Variants in CNTN4 observed in about 807,000 individuals in gnomAD.
CNTN4 encodes the protein contactin-4.
In CNTN4, 77 loss-of-function variants were observed where a neutral mutation model predicts 122.5. The ratio of observed to expected loss-of-function variants is 0.63; its 90% confidence interval spans 0.52 to 0.76. The LOEUF (loss-of-function observed/expected upper bound fraction) is 0.76. Ranked by LOEUF, CNTN4 falls within the 30% of genes least tolerant of loss-of-function variation. The pLI is 0.00. For missense variants in CNTN4, 1,256 were observed against 1,259.1 expected, an observed-to-expected ratio of 1.00 and a Z score of 0.04; for synonymous variants, 512 against 447.0, an observed-to-expected ratio of 1.15 and a Z score of -1.83.
chr3:2,236,184 T>C (rs1003425496), intron 2 of CNTN4, among the ~76,000 whole-genome samples: 5 of 152,164 alleles, frequency 3.3e-5, no homozygotes, highest in African/African-American at 1.2e-4. Flanking sequence ...TTGGGAGCAG[T>C]TGTTAAGTTT....
At chr3:2,219,706 G>T (rs2038986357) in intron 2 of CNTN4, among the ~76,000 whole-genome samples, 1 of 151,934 alleles carries the variant, frequency 6.6e-6, no homozygotes, top group African/African-American at 2.4e-5. Flanking sequence ...TGCCTGATTT[G>T]TTTATTTACT....
chr3:2,976,477 C>T (rs114357225), intron 13 of CNTN4, among the ~76,000 whole-genome samples: 1,763 of 152,290 alleles, frequency 0.012, 11 homozygotes, highest in Non-Finnish European at 0.016. Flanking sequence ...GGAACTTTGT[C>T]ACCAGGGTGT....
chr3:2,778,959 C>T (rs1385708894), intron 6 of CNTN4, among the ~76,000 whole-genome samples: 7 of 152,150 alleles, frequency 4.6e-5, no homozygotes, highest in Non-Finnish European at 1.5e-5. Flanking sequence ...CTATTAGTTG[C>T]TAAGAAACAA....
At chr3:3,041,260 G>C (rs1238628213) in intron 20 of CNTN4, 1 of 152,240 alleles carries the variant, frequency 6.6e-6, no homozygotes, top group Non-Finnish European at 1.5e-5. Context: ...TCTAGCTGCT[G>C]CCTCTCTGTC....
intron 3 of CNTN4, among the ~76,000 whole-genome samples, chr3:2,433,675 A>G (rs1239864519): frequency 6.6e-6 from 1 of 152,118 alleles, no homozygotes; most frequent in Non-Finnish European, 1.5e-5. Context: ...TTTTGGGGTC[A>G]TATCTAAGAA....
At chr3:2,742,779 C>T (rs1293293578) in intron 5 of CNTN4, among the ~76,000 whole-genome samples, 1 of 152,156 alleles carries the variant, frequency 6.6e-6, no homozygotes, top group African/African-American at 2.4e-5. Context: ...ATTACCAACA[C>T]TTAAAAGATT....
chr3:2,697,998 C>T (rs2086141961), intron 4 of CNTN4, among the ~76,000 whole-genome samples: 1 of 152,206 alleles, frequency 6.6e-6, no homozygotes, highest in Non-Finnish European at 1.5e-5. Flanking sequence ...TTGTAACATT[C>T]ATCCGGACTG....
chr3:2,131,308 G>T (rs2034440226), intron 2 of CNTN4, among the ~76,000 whole-genome samples: 1 of 152,084 alleles, frequency 6.6e-6, no homozygotes, highest in Non-Finnish European at 1.5e-5. Flanking sequence ...CGTATTCAGT[G>T]TCTCTGATTT....
At chr3:2,962,214 C>A (rs912075011) in intron 13 of CNTN4, among the ~76,000 whole-genome samples, 1 of 152,128 alleles carries the variant, frequency 6.6e-6, no homozygotes, top group East Asian at 1.9e-4. Flanking sequence ...GAATTATGCC[C>A]CTTAGGGAAT....
intron 2 of CNTN4, among the ~76,000 whole-genome samples, chr3:2,181,037 TTTTAG>T (rs2036990763): frequency 6.6e-6 from 1 of 152,154 alleles, no homozygotes; most frequent in African/African-American, 2.4e-5. Context: ...ACTTGTTTGT[TTTTAG>T]TTTATCAGTG....
intron 4 of CNTN4, among the ~76,000 whole-genome samples, chr3:2,694,526 TCGA>T (rs911406072): frequency 1.8e-4 from 28 of 152,154 alleles, no homozygotes; most frequent in African/African-American, 6.8e-4. Context: ...GGTCAGGAGT[TCGA>T]GATCAGCCTG....
rs78346780 is a variant in CNTN4, at chr3:2,865,424, A to G, written c.455-1328A>G. 4.8e-3 allele frequency among the ~76,000 whole-genome samples: 729 copies of G among 152,318 alleles called. 5 individuals carry two copies. The highest frequency in any genetic ancestry group is 0.017 in the African/African-American group (702 of 41,564). On this transcript the variant is annotated intron_variant, in intron 7 of 24. Transcript: ENST00000418658. ...TTACAGTAATTAGCGTTCTCTCTAC[A>G]AAACTGAAGTGACCTTTCTGCTATT...
intron 2 of CNTN4, among the ~76,000 whole-genome samples, chr3:2,194,332 G>C (rs2037736456): frequency 6.6e-6 from 1 of 151,938 alleles, no homozygotes. Flanking sequence ...GTGGTGGTGT[G>C]CTCCTGTAGT....
intron 2 of CNTN4, among the ~76,000 whole-genome samples, chr3:2,163,482 A>G (rs955330090): frequency 1.3e-5 from 2 of 152,194 alleles, no homozygotes; most frequent in Non-Finnish European, 2.9e-5. Flanking sequence ...CAAATGTAAG[A>G]AAAACCAAAA....
chr3:2,232,882 TG>T (rs1469258272), intron 2 of CNTN4, among the ~76,000 whole-genome samples: 1 of 152,118 alleles, frequency 6.6e-6, no homozygotes, highest in Non-Finnish European at 1.5e-5. Flanking sequence ...TTATTATGAG[TG>T]GGAAGTCATA....
chr3:2,766,671 C>T (rs1175708411), intron 6 of CNTN4, among the ~76,000 whole-genome samples: 3 of 151,954 alleles, frequency 2.0e-5, no homozygotes, highest in South Asian at 2.1e-4. Context: ...ATGGGTGCAC[C>T]AAAATCTGAC....
intron 3 of CNTN4, among the ~76,000 whole-genome samples, chr3:2,510,410 C>T (rs927845786): frequency 6.8e-5 from 10 of 147,550 alleles, no homozygotes; most frequent in African/African-American, 2.5e-4. Context: ...GTTTTTGCAG[C>T]AAGATGAGGA....
At chr3:2,729,865 G>A (rs1391042695) in intron 4 of CNTN4, among the ~76,000 whole-genome samples, 3 of 152,142 alleles carry the variant, frequency 2.0e-5, no homozygotes, top group African/African-American at 7.2e-5. Flanking sequence ...AGTGAGCAGA[G>A]ATCAAGCCAC....
chr3:2,151,803 C>T (rs2035505113), intron 2 of CNTN4, among the ~76,000 whole-genome samples: 1 of 152,184 alleles, frequency 6.6e-6, no homozygotes, highest in Admixed American at 6.5e-5. Context: ...CCTGTGCCAC[C>T]TTGGGACCCT....
Sources: allele counts gnomAD v4.1 joint callset (sites outside exome capture counted in the v4.1 genomes callset), GRCh38; gene constraint gnomAD v4.1.1; transcripts MANE v1.5; gene names NCBI Gene and HGNC (gene_info 2026-07-23, HGNC 2026-07-21).